Variants in CAMK2A observed in about 807,000 individuals in gnomAD.
CAMK2A encodes the protein calcium/calmodulin-dependent protein kinase type II subunit alpha.
Under a neutral mutation model 79.2 loss-of-function variants are expected in CAMK2A, and 7 were observed. The ratio of observed to expected loss-of-function variants is 0.09; its 90% CI spans 0.05 to 0.17. The LOEUF is 0.17. Among genes scored for constraint, CAMK2A ranks in the 10% least tolerant of loss-of-function variants. The pLI is 1.00. For synonymous variants in CAMK2A, 242 were observed against 251.7 expected, an observed-to-expected ratio of 0.96 and a Z score of 0.36; for missense variants, 214 against 646.4, an observed-to-expected ratio of 0.33 and a Z score of 7.25.
chr5:150,285,952 C>T (rs1474582529), intron 1 of CAMK2A, among the ~76,000 whole-genome samples: 2 of 152,102 alleles, frequency 1.3e-5, no homozygotes, highest in African/African-American at 4.8e-5. Context: ...GTGACCCCTT[C>T]CCTGGGCCAT....
intron 1 of CAMK2A, among the ~76,000 whole-genome samples, chr5:150,273,590 G>A (rs1209545293): frequency 3.3e-5 from 5 of 152,090 alleles, no homozygotes. Flanking sequence ...CAGCCCCTGA[G>A]GTCCCCTTCC....
intron 14 of CAMK2A, among the ~76,000 whole-genome samples, chr5:150,239,486 C>T (rs1383937842): frequency 6.6e-6 from 1 of 152,194 alleles, no homozygotes; most frequent in African/African-American, 2.4e-5. Flanking sequence ...GGTCTGCTGT[C>T]AGCCTGCTGG....
chr5:150,269,244 G>A (rs1174844585), intron 2 of CAMK2A, among the ~76,000 whole-genome samples: 1 of 152,118 alleles, frequency 6.6e-6, no homozygotes, highest in Non-Finnish European at 1.5e-5. Context: ...CAGATGGTTG[G>A]GTCACCTCCA....
rs1490293985 is a variant in CAMK2A at position 150,222,274 on chromosome 5, G to A, written c.*436C>T. 13 of 566,226 alleles carry A rather than the reference G, an allele frequency of 2.3e-5. No homozygotes were observed. Among genetic ancestry groups the A allele is most frequent in the Admixed American group, 9.1e-5 (3 of 32,974 alleles). 35.1% of individuals were successfully genotyped at this position (566,226 alleles called of 1,614,324 possible). A position where few individuals can be genotyped will look rare whatever the true frequency, so the allele number is the denominator to read the frequency against. ...AAGGGAGTGTCATCTGCCCTTCCCCGGGGACACTGGAAGAGGAGAGGTCTG... is the reference window on the plus strand; with the variant it reads ...AAGGGAGTGTCATCTGCCCTTCCCCAGGGACACTGGAAGAGGAGAGGTCTG... On this transcript the variant is annotated 3_prime_UTR_variant, in exon 19 of 19. Transcript: ENST00000671881.
chr5:150,264,313 G>A (rs980190609), intron 3 of CAMK2A, among the ~76,000 whole-genome samples: 1 of 152,218 alleles, frequency 6.6e-6, no homozygotes, highest in African/African-American at 2.4e-5. Context: ...TTCCCTGACA[G>A]AATTAGCCCT....
chr5:150,263,446 A>G (rs918076643), intron 3 of CAMK2A, among the ~76,000 whole-genome samples: 1 of 151,450 alleles, frequency 6.6e-6, no homozygotes, highest in Non-Finnish European at 1.5e-5. Context: ...ACATTCACAC[A>G]CTCACACACG....
chr5:150,246,055 C>T (rs1254174684), intron 12 of CAMK2A, among the ~76,000 whole-genome samples: 5 of 152,214 alleles, frequency 3.3e-5, no homozygotes, highest in African/African-American at 1.2e-4. Flanking sequence ...ATAAGCCGCA[C>T]ATGCTCAGGA....
In CAMK2A at chr5:150,247,797, C is replaced by A. The variant is rs757665103; in HGVS notation, c.918G>T (p.Thr306=). The change falls in exon 12 of 19, where the codon ACG becomes ACT. Residue 306 remains threonine, a synonymous_variant. Transcript: ENST00000671881. ...RRKLKGAILT[T]MLATRNFSGG... ...CGGAGAAGTTCCTGGTGGCCAGCAT[C>A]GTGGTGAGAATGGCTCCCTGCAAGA... 6.2e-7 allele frequency: 1 copy of A among 1,612,638 alleles called. No individual in the cohort carries two copies. Among genetic ancestry groups the A allele is most frequent in the Non-Finnish European group, 8.5e-7 (1 of 1,179,586 alleles).
chr5:150,228,192 G>T lies in CAMK2A; in HGVS notation c.1237C>A (p.Leu413Met), dbSNP rs376699738. 3.7e-6 allele frequency: 6 copies of T among 1,611,594 alleles called. No homozygotes were observed. Among genetic ancestry groups the T allele is most frequent in the Admixed American group, 3.3e-5 (2 of 59,808 alleles). Residue 413 changes from leucine (L) to methionine (M), a missense_variant and splice_region_variant, in exon 17 of 19, where the codon CTG (leucine) becomes ATG (methionine). This residue lies in a region of CAMK2A where 123 missense variants were observed against 242.4 expected (regional missense o/e 0.51). Transcript: ENST00000671881. The stretch of plus-strand genomic sequence containing the variant: ...ACCACAGAGAGAAGGAATTGCTCAC[G>T]GTTTTCAAAATAGAATCGATGGAAG... ...LDFHRFYFEN[L>M]WSRNSKPVHT...
chr5:150,248,384 G>A (rs1018195124), intron 11 of CAMK2A, among the ~76,000 whole-genome samples: 36 of 149,316 alleles, frequency 2.4e-4, no homozygotes, highest in South Asian at 8.5e-4. Context: ...TGTGCACAAC[G>A]TGCAGGTTTG....
In CAMK2A at chr5:150,221,050, G is replaced by A. The variant is rs1035116128; in HGVS notation, c.*1660C>T. On this transcript the variant is annotated 3_prime_UTR_variant, in exon 19 of 19. Coordinates refer to ENST00000671881, the MANE Select transcript of CAMK2A (RefSeq NM_015981.4). The stretch of plus-strand genomic sequence containing the variant: ...CAGTATCTCATGCTGGCAAAACACG[G>A]CCACACAGAGGCCAAAAGCACAGAG... 3 of 157,954 alleles carry A rather than the reference G, an allele frequency of 1.9e-5. No individual in the cohort carries two copies. The highest frequency in any genetic ancestry group is 4.2e-5 in the Non-Finnish European group (3 of 71,974). 9.8% of individuals were successfully genotyped at this position (157,954 alleles called of 1,614,324 possible).
intron 16 of CAMK2A, 35 bp downstream of exon 16, chr5:150,231,270 A>T: frequency 7.5e-7 from 1 of 1,336,864 alleles, no homozygotes; most frequent in Non-Finnish European, 1.0e-6. Context: ...ACAACAATCC[A>T]GGCAGGACAT....
At chr5:150,250,138 G>A in intron 11 of CAMK2A, 88 bp downstream of exon 11, 2 of 942,694 alleles carry the variant, frequency 2.1e-6, no homozygotes, top group East Asian at 2.5e-5. Context: ...ATGAAGGAAA[G>A]AATTAGTGAG....
At chr5:150,287,218 A>T (rs1757459599) in intron 1 of CAMK2A, among the ~76,000 whole-genome samples, 1 of 152,190 alleles carries the variant, frequency 6.6e-6, no homozygotes, top group African/African-American at 2.4e-5. Flanking sequence ...TCTCTAACAC[A>T]AGCTTCTGCA....
rs1755524402 is a variant in CAMK2A at position 150,245,365 on chromosome 5, T to A, written c.944-164A>T. The A allele has an allele frequency of 9.9e-6, 6 of 608,812 alleles. No homozygotes were observed. The East Asian group carries it at 1.9e-4, about 19-fold the overall frequency. 37.7% of individuals were successfully genotyped at this position (608,812 alleles called of 1,614,324 possible). A position where few individuals can be genotyped will look rare whatever the true frequency, so the allele number is the denominator to read the frequency against. ...CTCCTCCTCCTCCTCCTCCTCCTCC[T>A]CCTCCTCCTCCCTCCTTGGAGGCCC... On this transcript the variant is annotated intron_variant, in intron 12 of 18. Transcript: ENST00000671881.
At position 150,236,856 on chromosome 5, in the gene CAMK2A, T is replaced by C. The variant is rs551605476; in HGVS notation, c.1066+1844A>G. Among the ~76,000 whole-genome samples the C allele has an allele frequency of 2.0e-5, 3 of 152,312 alleles. No homozygotes were observed. In the East Asian group the frequency reaches 5.8e-4, roughly 29 times the overall value. On this transcript the variant is annotated intron_variant, in intron 15 of 18. Coordinates refer to ENST00000671881, the MANE Select transcript of CAMK2A (RefSeq NM_015981.4). ...GACCCTACCAGGGAATTCTTCAAGA[T>C]AGTGTATTTTCTCATTCGTTCATTC...
At chr5:150,276,552 A>G (rs1166253418) in intron 1 of CAMK2A, among the ~76,000 whole-genome samples, 1 of 152,134 alleles carries the variant, frequency 6.6e-6, no homozygotes, top group Admixed American at 6.5e-5. Context: ...ATGGGGATGG[A>G]CCCCAAAGAC....
intron 12 of CAMK2A, 133 bp downstream of exon 12, chr5:150,247,639 C>G: frequency 1.5e-6 from 1 of 683,644 alleles, no homozygotes; most frequent in Non-Finnish European, 2.5e-6. Flanking sequence ...GAGCTAAGCC[C>G]TTAGTCACAG....
chr5:150,236,015 A>G (rs946164562), intron 15 of CAMK2A, among the ~76,000 whole-genome samples: 6 of 152,128 alleles, frequency 3.9e-5, no homozygotes, highest in African/African-American at 1.4e-4. Context: ...CAGTCCTACC[A>G]TTAATAAGCC....
Sources: gnomAD v4.1 joint callset for allele counts (sites outside exome capture counted in the v4.1 genomes callset) on GRCh38, gnomAD v4.1.1 for gene constraint, gnomAD v4.1.1 regional missense constraint, MANE v1.5 for transcripts, NCBI Gene and HGNC (gene_info 2026-07-23, HGNC 2026-07-21) for gene names.